The following CTSH variants were observed in gnomAD, a reference collection of about 807,000 sequenced individuals.
CTSH encodes the protein cathepsin H.
In CTSH, 52 loss-of-function variants were observed where a neutral mutation model predicts 56.3. That is an observed-to-expected ratio of 0.92 (90% CI 0.74 to 1.16). CTSH has a LOEUF of 1.16. Among genes scored for constraint, CTSH ranks in the 50% most tolerant of loss-of-function variants. The pLI, the probability that CTSH is intolerant of heterozygous loss-of-function variation, is 0.00. For missense variants in CTSH, 406 were observed against 424.5 expected, an observed-to-expected ratio of 0.96 and a Z score of 0.38; for synonymous variants, 174 against 155.7, an observed-to-expected ratio of 1.12 and a Z score of -0.88.
intron 3 of CTSH, among the ~76,000 whole-genome samples, chr15:78,936,337 A>G (rs1399828207): frequency 1.3e-5 from 2 of 151,532 alleles, no homozygotes; most frequent in Non-Finnish European, 2.9e-5. Context: ...ACCTGCCACC[A>G]TGCCCGGCTA....
intron 9 of CTSH, chr15:78,926,867 A>C (rs1176939937): frequency 6.6e-6 from 1 of 152,166 alleles, no homozygotes; most frequent in African/African-American, 2.4e-5. Flanking sequence ...TTGGTACAGC[A>C]CCTAGAAGTA....
intron 5 of CTSH, 47 bp downstream of exon 5, chr15:78,934,931 G>A (rs201187590): frequency 1.1e-4 from 138 of 1,214,914 alleles, no homozygotes; most frequent in Non-Finnish European, 1.7e-4. Context: ...GTATTGTCTG[G>A]GAGTGTGGCC....
intron 5 of CTSH, 120 bp downstream of exon 5, chr15:78,934,858 G>A (rs1265828921): frequency 2.7e-6 from 2 of 747,656 alleles, no homozygotes; most frequent in Non-Finnish European, 4.9e-6. Context: ...GATGCCGAGA[G>A]GAAACAGAGG....
Position 78,922,999 on chromosome 15 carries a change from A to G in CTSH, c.926T>C (p.Met309Thr), listed in dbSNP as rs1452827007. Residue 309 changes from methionine to threonine, a missense_variant, in exon 11 of 12, where the codon ATG becomes ACG. Transcript: ENST00000220166. ...VKNSWGPQWG[M>T]NGYFLIERGK... ...GGACCTGGGAGCTGCTTACCCGTTC[A>G]TTCCCCACTGGGGACCCCAAGAGTT... 5 of 1,609,672 alleles carry G rather than the reference A, an allele frequency of 3.1e-6. No homozygotes were observed. Among genetic ancestry groups the G allele is most frequent in the African/African-American group, 2.7e-5 (2 of 74,620 alleles).
chr15:78,942,422 A>C (rs1453785320), intron 1 of CTSH, among the ~76,000 whole-genome samples: 3 of 152,132 alleles, frequency 2.0e-5, no homozygotes, highest in African/African-American at 7.2e-5. Context: ...CATGTTAGCC[A>C]ATCTGGTCTG....
chr15:78,936,058 G>A (rs2055167529), intron 3 of CTSH, among the ~76,000 whole-genome samples: 1 of 152,096 alleles, frequency 6.6e-6, no homozygotes, highest in Admixed American at 6.5e-5. Context: ...TCGTGAGTCT[G>A]ATGGATAGCT....
At chr15:78,937,463 C>A in intron 2 of CTSH, 40 bp from the exon 3 acceptor site, 1 of 1,553,382 alleles carries the variant, frequency 6.4e-7, no homozygotes, top group South Asian at 1.1e-5. Context: ...TGGAAACAGG[C>A]TGCAGCTCCC....
rs1480314340 is a variant in CTSH at position 78,929,451 on chromosome 15, CTTG to C, written c.588_590del (p.Asn196del). 8.7e-6 allele frequency: 14 copies of C among 1,612,394 alleles called. No individual in the cohort carries two copies. Among genetic ancestry groups the C allele is most frequent in the Middle Eastern group, 1.7e-4 (1 of 6,054 alleles). On this transcript the variant is annotated inframe_deletion, in exon 8 of 12. Coordinates refer to ENST00000220166, the MANE Select transcript of CTSH (RefSeq NM_004390.5). ...GGTAGGTGTCTTCACCCATGATCCCCTTGTTGTACAGGATATACTCGAAAGCCT... is the reference window on the plus strand; with the variant it reads ...GGTAGGTGTCTTCACCCATGATCCCCTTGTACAGGATATACTCGAAAGCCT...
At chr15:78,927,671 A>G (rs567236547) in intron 9 of CTSH, 42 bp downstream of exon 9, 1 of 1,586,712 alleles carries the variant, frequency 6.3e-7, no homozygotes, top group East Asian at 2.2e-5. Context: ...AGGCCTCCTC[A>G]TCAGGACACA....
At chr15:78,939,859 G>C (rs1296389664) in intron 1 of CTSH, among the ~76,000 whole-genome samples, 1 of 152,234 alleles carries the variant, frequency 6.6e-6, no homozygotes, top group Non-Finnish European at 1.5e-5. Flanking sequence ...CTCCAGCCTG[G>C]GCGACAGAGA....
At position 78,936,187 on chromosome 15, in the gene CTSH, T is replaced by C. The variant is rs1260827268; in HGVS notation, c.230-437A>G. 1.9e-3 allele frequency among the ~76,000 whole-genome samples: 273 copies of C among 144,056 alleles called. 1 individual carries two copies. The highest frequency in any genetic ancestry group is 6.7e-3 in the African/African-American group (259 of 38,584). The allele number at this position is 144,056 out of a possible 152,430, so 94.5% of individuals were successfully genotyped here. A position where few individuals can be genotyped will look rare whatever the true frequency, so the allele number is the denominator to read the frequency against. ...TGCTTTTTCTTTTCTTTTCTTTTTT[T>C]TTTTTTTTTTTTTGAGACAGAGTCT... is the stretch of plus-strand genomic sequence containing the variant. On this transcript the variant is annotated intron_variant, in intron 3 of 11. Coordinates refer to ENST00000220166, the MANE Select transcript of CTSH (RefSeq NM_004390.5).
At chr15:78,923,317 T>TCTCA (rs2054818573) in intron 10 of CTSH, among the ~76,000 whole-genome samples, 199 bp from the exon 11 acceptor site, 1 of 152,084 alleles carries the variant, frequency 6.6e-6, no homozygotes, top group Non-Finnish European at 1.5e-5. Flanking sequence ...TGAGACGGAG[T>TCTCA]CTCACTCTGT....
intron 2 of CTSH, chr15:78,937,662 T>C: frequency 7.2e-7 from 1 of 1,392,726 alleles, no homozygotes; most frequent in South Asian, 1.3e-5. Context: ...CAGAATGTGG[T>C]CCAAGAGGCA....
At chr15:78,926,322 C>T (rs1250533494) in intron 9 of CTSH, 1 of 152,472 alleles carries the variant, frequency 6.6e-6, no homozygotes, top group Non-Finnish European at 1.5e-5. Flanking sequence ...TGCCCTCCTT[C>T]CTGGTATGTG....
intron 11 of CTSH, 96 bp from the exon 12 acceptor site, chr15:78,922,301 T>C: frequency 2.2e-6 from 2 of 919,950 alleles, no homozygotes; most frequent in Non-Finnish European, 3.5e-6. Context: ...ACTTCAGGGG[T>C]GAGACCCTCT....
chr15:78,937,712 G>C (rs1466710712), intron 2 of CTSH: 1 of 1,366,558 alleles, frequency 7.3e-7, no homozygotes, highest in African/African-American at 1.4e-5. Flanking sequence ...ACTCCTGGAC[G>C]CCACTGCTGG....
rs745517357 is a variant in CTSH, at chr15:78,937,778, G to A, written c.124-355C>T. The A allele has an allele frequency of 1.5e-5, 19 of 1,306,818 alleles. No homozygotes were observed. The South Asian group carries it at 2.3e-4, about 16-fold the overall frequency. 81.0% of individuals were successfully genotyped at this position (1,306,818 alleles called of 1,614,324 possible). On this transcript the variant is annotated intron_variant, in intron 2 of 11. Coordinates refer to ENST00000220166, the MANE Select transcript of CTSH (RefSeq NM_004390.5). ...ATTTTTCAAAAGCACATGCACTGGTGTTCCCCAACTGATTCTGCAACCAGT... is the reference window on the plus strand; with the variant it reads ...ATTTTTCAAAAGCACATGCACTGGTATTCCCCAACTGATTCTGCAACCAGT...
Position 78,937,337 on chromosome 15 carries a change from A to C in CTSH, c.210T>G (p.Asn70Lys). Residue 70 changes from asparagine to lysine, a missense_variant, in exon 3 of 12, where the codon AAT becomes AAG. Transcript: ENST00000220166. ...ACGTACTTTTAAATGTGTGGTTCCC[A>C]TTGTTGTGGGCGTTTATCTTCCTCC... is the stretch of plus-strand genomic sequence containing the variant. ...SNWRKINAHN[N>K]GNHTFKMALN... 1 of 1,613,264 alleles carries C rather than the reference A, an allele frequency of 6.2e-7. No homozygotes were observed. The highest frequency in any genetic ancestry group is 1.1e-5 in the South Asian group (1 of 91,036).
At chr15:78,929,763 C>CGAGTG (rs2055007366) in intron 7 of CTSH, among the ~76,000 whole-genome samples, 3 of 152,168 alleles carry the variant, frequency 2.0e-5, no homozygotes, top group African/African-American at 7.2e-5. Flanking sequence ...GTGCACAGCC[C>CGAGTG]CACACCATGG....
Sources: allele counts gnomAD v4.1 joint callset (sites outside exome capture counted in the v4.1 genomes callset), GRCh38; gene constraint gnomAD v4.1.1; transcripts MANE v1.5; gene names NCBI Gene and HGNC (gene_info 2026-07-23, HGNC 2026-07-21).